The following ERN1 variants were observed in gnomAD, a reference collection of about 807,000 sequenced individuals.
ERN1 encodes the protein endoplasmic reticulum to nucleus signaling 1, also known as serine/threonine-protein kinase/endoribonuclease IRE1.
A neutral mutation model predicts 113.1 loss-of-function variants in ERN1; 39 were observed. That is an observed-to-expected ratio of 0.34 (90% CI 0.27 to 0.45). The LOEUF (loss-of-function observed/expected upper bound fraction) is 0.45. Among genes scored for constraint, ERN1 ranks in the 20% least tolerant of loss-of-function variants. The pLI, the probability that ERN1 is intolerant of heterozygous loss-of-function variation, is 1.00. For missense variants in ERN1, 976 were observed against 1,274.8 expected, an observed-to-expected ratio of 0.77 and a Z score of 3.57; for synonymous variants, 507 against 515.9, an observed-to-expected ratio of 0.98 and a Z score of 0.23.
chr17:64,078,025 A>G (rs1279190368), intron 4 of ERN1, among the ~76,000 whole-genome samples: 1 of 152,052 alleles, frequency 6.6e-6, no homozygotes, highest in African/African-American at 2.4e-5. Flanking sequence ...GAGCCACCGC[A>G]CCCAGCCACA....
intron 1 of ERN1, among the ~76,000 whole-genome samples, chr17:64,119,545 C>A (rs369541540): frequency 6.6e-6 from 1 of 151,814 alleles, no homozygotes; most frequent in East Asian, 1.9e-4. Context: ...CGCGCCACCA[C>A]GCCTGGCTAA....
chr17:64,052,996 G>C lies in ERN1; in HGVS notation c.2054-17C>G, dbSNP rs1489034094. 4.4e-6 allele frequency: 7 copies of C among 1,587,406 alleles called. No homozygotes were observed. In the South Asian group the frequency reaches 6.8e-5, roughly 15 times the overall value. ...CTCTGTGAACTAACAGAGAACTCCA[G>C]ATTAGTCCAATGCTTACCAGGAGCA... On this transcript the variant is annotated splice_polypyrimidine_tract_variant and intron_variant, in intron 16 of 21. Coordinates refer to ENST00000433197, the MANE Select transcript of ERN1 (RefSeq NM_001433.5).
chr17:64,067,032 C>T (rs978371065), intron 7 of ERN1, 100 bp from the exon 8 acceptor site: 16 of 1,292,862 alleles, frequency 1.2e-5, no homozygotes, highest in African/African-American at 3.0e-5. Flanking sequence ...TTAGAGGAAA[C>T]AAGACTTCTG....
At chr17:64,119,376 G>GTTGTTTTTTTTTTTGTTTTTTTTTTTTT (rs777806993) in intron 1 of ERN1, among the ~76,000 whole-genome samples, 7 of 77,896 alleles carry the variant, frequency 9.0e-5, no homozygotes, top group African/African-American at 3.3e-4. Flanking sequence ...TTTTTTCTAG[G>GTTGTTTTTTTTTTTGTTTTTTTTTTTTT]TTTTTTTTTT....
chr17:64,091,059 G>C (rs1486031805), intron 2 of ERN1, among the ~76,000 whole-genome samples: 1 of 152,154 alleles, frequency 6.6e-6, no homozygotes, highest in Non-Finnish European at 1.5e-5. Flanking sequence ...AGCAGTGAGG[G>C]TAAAAAGGTA....
At chr17:64,065,934 G>C (rs1053915484) in intron 8 of ERN1, among the ~76,000 whole-genome samples, 1 of 152,060 alleles carries the variant, frequency 6.6e-6, no homozygotes, top group African/African-American at 2.4e-5. Flanking sequence ...ACCTGGGATC[G>C]GTCATCCACT....
chr17:64,088,657 T>A (rs1316647345), intron 2 of ERN1, among the ~76,000 whole-genome samples: 1 of 152,168 alleles, frequency 6.6e-6, no homozygotes, highest in African/African-American at 2.4e-5. Flanking sequence ...TTAAGTGCCA[T>A]GCAGGATAAA....
chr17:64,102,559 T>G (rs1914415996), intron 1 of ERN1: 1 of 765,104 alleles, frequency 1.3e-6, no homozygotes, highest in South Asian at 5.9e-5. Context: ...CCCTCTGGCA[T>G]TTTTAAAAGC....
intron 15 of ERN1, among the ~76,000 whole-genome samples, chr17:64,053,641 T>C (rs964013696): frequency 5.9e-5 from 9 of 152,120 alleles, no homozygotes. Flanking sequence ...AAAGTGAGCC[T>C]GGAAAATGAG....
At chr17:64,108,323 C>CT (rs1012382577) in intron 1 of ERN1, among the ~76,000 whole-genome samples, 1 of 152,094 alleles carries the variant, frequency 6.6e-6, no homozygotes, top group East Asian at 1.9e-4. Context: ...GGCTGAGTGT[C>CT]TGAGTTCAAC....
chr17:64,098,510 C>T (rs1190044162), intron 1 of ERN1: 1 of 646,410 alleles, frequency 1.5e-6, no homozygotes, highest in African/African-American at 1.8e-5. Context: ...GGGCAACCTC[C>T]ACTGAAACAG....
intron 1 of ERN1, among the ~76,000 whole-genome samples, chr17:64,128,293 G>A (rs962645345): frequency 6.6e-6 from 1 of 151,290 alleles, no homozygotes; most frequent in African/African-American, 2.4e-5. Flanking sequence ...TTACAGGCAT[G>A]AGCCACCGGG....
chr17:64,115,375 C>A (rs1158946622), intron 1 of ERN1, among the ~76,000 whole-genome samples: 1 of 152,176 alleles, frequency 6.6e-6, no homozygotes, highest in African/African-American at 2.4e-5. Flanking sequence ...AAGAAGGGTC[C>A]TGTTACACAC....
chr17:64,123,291 T>C (rs990465521), intron 1 of ERN1, among the ~76,000 whole-genome samples: 2 of 152,168 alleles, frequency 1.3e-5, no homozygotes, highest in African/African-American at 4.8e-5. Flanking sequence ...AGGGTGCTCA[T>C]GGGTGCCACA....
intron 17 of ERN1, among the ~76,000 whole-genome samples, chr17:64,052,016 G>A (rs1463141369): frequency 3.3e-5 from 5 of 152,188 alleles, no homozygotes; most frequent in Non-Finnish European, 5.9e-5. Context: ...TAAAGCAAAT[G>A]TGGCAAAAGT....
chr17:64,091,355 G>C (rs1263875118), intron 2 of ERN1, among the ~76,000 whole-genome samples: 1 of 152,192 alleles, frequency 6.6e-6, no homozygotes, highest in African/African-American at 2.4e-5. Context: ...AGTCCCATTT[G>C]TTTCTCAGGA....
At chr17:64,099,214 A>C (rs1914314622) in intron 1 of ERN1, among the ~76,000 whole-genome samples, 1 of 152,216 alleles carries the variant, frequency 6.6e-6, no homozygotes, top group African/African-American at 2.4e-5. Context: ...GCTTATATAC[A>C]TTATCAATTA....
chr17:64,067,165 A>C (rs1439489052), intron 7 of ERN1, among the ~76,000 whole-genome samples: 2 of 152,170 alleles, frequency 1.3e-5, no homozygotes, highest in African/African-American at 4.8e-5. Flanking sequence ...ACTCTCCCAA[A>C]GGCAATTTAT....
At position 64,044,000 on chromosome 17, in the gene ERN1, T is replaced by G; in HGVS notation, c.2922A>C (p.Pro974=). The change falls in exon 22 of 22, where the codon CCA becomes CCC. Residue 974 remains proline (P), a synonymous_variant. Transcript: ENST00000433197. Reference sequence around the variant, plus strand: ...GGGCCGCCCTCGCTCAGAGGGCGTCTGGAGTCACTGGGGGCTGGGGCTCTG... The same window carrying G: ...GGGCCGCCCTCGCTCAGAGGGCGTCGGGAGTCACTGGGGGCTGGGGCTCTG... ...EPPEPQPPVT[P]DAL is the part of the protein sequence containing the mutation. 6.2e-7 allele frequency: 1 copy of G among 1,610,746 alleles called. No individual in the cohort carries two copies. Among genetic ancestry groups the G allele is most frequent in the Non-Finnish European group, 8.5e-7 (1 of 1,177,936 alleles).
Sources: gnomAD v4.1 joint callset for allele counts (sites outside exome capture counted in the v4.1 genomes callset) on GRCh38, gnomAD v4.1.1 for gene constraint, MANE v1.5 for transcripts, NCBI Gene and HGNC (gene_info 2026-07-23, HGNC 2026-07-21) for gene names.